CCNA1: variants seen among roughly 807,000 people sequenced by gnomAD.
The protein encoded by CCNA1 is cyclin A1, also known as cyclin-A1.
Under a neutral mutation model 54.1 loss-of-function variants are expected in CCNA1, and 23 were observed. The observed-to-expected ratio is 0.42, with a 90% CI of 0.31 to 0.60. The LOEUF (loss-of-function observed/expected upper bound fraction) is 0.60, where lower values mean the gene tolerates loss of function less well. Ranked by LOEUF, CCNA1 falls within the 20% of genes least tolerant of loss-of-function variation. CCNA1 has a pLI of 0.14. For synonymous variants in CCNA1, 208 were observed against 213.9 expected (o/e 0.97, Z 0.24); for missense variants, 450 against 556.7 (o/e 0.81, Z 1.93).
In CCNA1 at chr13:36,442,594, T is replaced by C. The variant is rs930654669; in HGVS notation, c.1347-20T>C. 1 of 1,613,502 alleles carries C rather than the reference T, an allele frequency of 6.2e-7. No individual in the cohort carries two copies. The highest frequency in any genetic ancestry group is 8.5e-7 in the Non-Finnish European group (1 of 1,179,706). On this transcript the variant is annotated intron_variant, in intron 8 of 8. Transcript: ENST00000255465. ...CAAAGTCCTTGGCTTGTGCTGACCT[T>C]GCTTTGGGTCTTGTTTCAGGTACCT...
At chr13:36,441,775 T>C (rs956280314) in intron 7 of CCNA1, among the ~76,000 whole-genome samples, 7 of 152,196 alleles carry the variant, frequency 4.6e-5, no homozygotes, top group African/African-American at 4.8e-5. Context: ...TTCTGCTGCA[T>C]TTTCTTTTTT....
chr13:36,433,423 T>TTCGTTCGTTCG lies in CCNA1; in HGVS notation c.297+203_297+204insCGTTCGTTCGT, dbSNP rs2055752140. Among the ~76,000 whole-genome samples the TTCGTTCGTTCG allele has an allele frequency of 6.6e-5, 8 of 121,332 alleles. 1 individual carries two copies. Among genetic ancestry groups the TTCGTTCGTTCG allele is most frequent in the African/African-American group, 2.2e-4 (7 of 32,300 alleles). 79.6% of individuals were successfully genotyped at this position (121,332 alleles called of 152,430 possible). A position where few individuals can be genotyped will look rare whatever the true frequency, so the allele number is the denominator to read the frequency against. ...CTTTCTTTCTTTCTTTCTTTCTTTC[T>TTCGTTCGTTCG]TTCTTTCTTTCTTTCTTTCGTTCTT... On this transcript the variant is annotated intron_variant, in intron 2 of 8. Coordinates refer to ENST00000255465, the MANE Select transcript of CCNA1 (RefSeq NM_003914.4).
Position 36,438,800 on chromosome 13 carries a change from C to T in CCNA1, c.826C>T (p.Leu276Phe). 2.5e-6 allele frequency: 4 copies of T among 1,614,108 alleles called. No individual in the cohort carries two copies. Among genetic ancestry groups the T allele is most frequent in the Non-Finnish European group, 3.4e-6 (4 of 1,180,016 alleles). Residue 276 changes from leucine (L) to phenylalanine (F), a missense_variant, in exon 5 of 9, where the codon CTT (leucine) becomes TTT (phenylalanine). This residue lies in a region of CCNA1 where 150 missense variants were observed against 219.7 expected (regional missense o/e 0.68). Coordinates refer to ENST00000255465, the MANE Select transcript of CCNA1 (RefSeq NM_003914.4). ...GGCTGTCAACTTCCTGGACAGGTTC[C>T]TTTCATGTATGTCTGTTCTGAGAGG...
At chr13:36,441,651 G>C (rs2055876179) in intron 7 of CCNA1, among the ~76,000 whole-genome samples, 1 of 152,188 alleles carries the variant, frequency 6.6e-6, no homozygotes, top group Non-Finnish European at 1.5e-5. Context: ...GTTGCCTCTT[G>C]CCCAAGAAGG....
At chr13:36,433,415 T>TTTCGTTCGTTCGTTCG (rs1491484506) in intron 2 of CCNA1, among the ~76,000 whole-genome samples, 194 bp downstream of exon 2, 5 of 121,640 alleles carry the variant, frequency 4.1e-5, no homozygotes, top group African/African-American at 1.6e-4. Context: ...TCTTTCTTTC[T>TTTCGTTCGTTCGTTCG]TTCTTTCTTT....
rs2055827544 is a variant in CCNA1, at chr13:36,437,953, T to C, written c.544+78T>C. ...CCTGCAGCATTCAATAGCTAGTAAC[T>C]AGCAAGAGAAAAACAGCAAGTAATA... On this transcript the variant is annotated intron_variant, in intron 3 of 8. Coordinates refer to ENST00000255465, the MANE Select transcript of CCNA1 (RefSeq NM_003914.4). 1.9e-6 allele frequency: 3 copies of C among 1,571,136 alleles called. No homozygotes were observed. In the Admixed American group the frequency reaches 5.3e-5, roughly 28 times the overall value.
chr13:36,442,197 G>T lies in CCNA1; in HGVS notation c.1239G>T (p.Gly413=). 6.2e-6 allele frequency: 10 copies of T among 1,613,656 alleles called. No individual in the cohort carries two copies. Among genetic ancestry groups the T allele is most frequent in the Non-Finnish European group, 8.5e-6 (10 of 1,179,744 alleles). The change falls in exon 8 of 9, where the codon GGG becomes GGT. Residue 413 remains glycine, a synonymous_variant. Transcript: ENST00000255465. Reference sequence around the variant, plus strand: ...CAGAAACCCTTGCTGCATTTACAGGGTATTCATTAAGTGAAATTGTGCCTT... The same window carrying T: ...CAGAAACCCTTGCTGCATTTACAGGTTATTCATTAAGTGAAATTGTGCCTT...
intron 5 of CCNA1, 137 bp downstream of exon 5, chr13:36,439,004 C>G: frequency 1.5e-6 from 1 of 670,168 alleles, no homozygotes; most frequent in South Asian, 1.9e-5. Flanking sequence ...AAAGATCATC[C>G]TCTTCACAGG....
chr13:36,434,935 C>T (rs2055783785), intron 2 of CCNA1, among the ~76,000 whole-genome samples: 1 of 151,264 alleles, frequency 6.6e-6, no homozygotes, highest in Non-Finnish European at 1.5e-5. Context: ...TTCTACTGGG[C>T]CAAATCTGTA....
chr13:36,442,198 T>A lies in CCNA1; in HGVS notation c.1240T>A (p.Tyr414Asn), dbSNP rs1455540744. The A allele has an allele frequency of 6.2e-7, 1 of 1,614,006 alleles. No homozygotes were observed. Among genetic ancestry groups the A allele is most frequent in the South Asian group, 1.1e-5 (1 of 91,062 alleles). ...AGAAACCCTTGCTGCATTTACAGGGTATTCATTAAGTGAAATTGTGCCTTG... is the reference window on the plus strand; with the variant it reads ...AGAAACCCTTGCTGCATTTACAGGGAATTCATTAAGTGAAATTGTGCCTTG... Residue 414 changes from tyrosine (Y) to asparagine (N), a missense_variant, in exon 8 of 9, where the codon TAT becomes AAT. Tyr to Asn is a moderately radical substitution (Grantham distance 143). Coordinates refer to ENST00000255465, the MANE Select transcript of CCNA1 (RefSeq NM_003914.4).
Position 36,442,697 on chromosome 13 carries a change from C to T in CCNA1, c.*32C>T, listed in dbSNP as rs1429740473. ...GAATGGAAGCACTTCCAGAACTTCACCTCCATATCAGAAGTGCCAATAATC... is the reference window on the plus strand; with the variant it reads ...GAATGGAAGCACTTCCAGAACTTCATCTCCATATCAGAAGTGCCAATAATC... On this transcript the variant is annotated 3_prime_UTR_variant, in exon 9 of 9. Coordinates refer to ENST00000255465, the MANE Select transcript of CCNA1 (RefSeq NM_003914.4). 1 of 1,586,794 alleles carries T rather than the reference C, an allele frequency of 6.3e-7. No individual in the cohort carries two copies. The highest frequency in any genetic ancestry group is 1.3e-5 in the African/African-American group (1 of 74,500).
chr13:36,437,256 A>G (rs2055815866), intron 2 of CCNA1, among the ~76,000 whole-genome samples: 1 of 152,200 alleles, frequency 6.6e-6, no homozygotes, highest in Non-Finnish European at 1.5e-5. Flanking sequence ...TATGCTGACT[A>G]CTTATAAAAT....
intron 1 of CCNA1, 34 bp downstream of exon 1, chr13:36,432,763 T>C (rs770772755): frequency 8.1e-6 from 11 of 1,358,336 alleles, no homozygotes; most frequent in Non-Finnish European, 1.2e-5. Context: ...CTTGGAGGCT[T>C]GTCAGAATGT....
At chr13:36,433,395 T>C (rs796864135) in intron 2 of CCNA1, among the ~76,000 whole-genome samples, 174 bp downstream of exon 2, 1 of 96,536 alleles carries the variant, frequency 1.0e-5, no homozygotes, top group Non-Finnish European at 2.1e-5. Flanking sequence ...TCTTTCTTTC[T>C]TTCTTTCTTT....
rs1482700784 is a variant in CCNA1, at chr13:36,433,427, T to TTTCGTTCG, written c.297+209_297+210insGTTCGTTC. ...CTTTCTTTCTTTCTTTCTTTCTTTC[T>TTTCGTTCG]TTCTTTCTTTCTTTCGTTCTTTCTT... On this transcript the variant is annotated intron_variant, in intron 2 of 8. Coordinates refer to ENST00000255465, the MANE Select transcript of CCNA1 (RefSeq NM_003914.4). Among the ~76,000 whole-genome samples, 93 of 112,550 alleles carry TTTCGTTCG rather than the reference T, an allele frequency of 8.3e-4. 6 individuals are homozygous for TTTCGTTCG. The highest frequency in any genetic ancestry group is 2.5e-3 in the African/African-American group (71 of 27,848). The allele number at this position is 112,550 out of a possible 152,430, so 73.8% of individuals were successfully genotyped here. A position where few individuals can be genotyped will look rare whatever the true frequency, so the allele number is the denominator to read the frequency against.
chr13:36,436,168 G>T (rs1482066886), intron 2 of CCNA1, among the ~76,000 whole-genome samples: 2 of 152,150 alleles, frequency 1.3e-5, no homozygotes, highest in Non-Finnish European at 2.9e-5. Context: ...AAAAGATTAT[G>T]CCACTCCTTT....
intron 4 of CCNA1, 73 bp downstream of exon 4, chr13:36,438,264 G>C: frequency 7.3e-7 from 1 of 1,373,756 alleles, no homozygotes; most frequent in Admixed American, 2.1e-5. Flanking sequence ...ATAAACTCTT[G>C]GTCCATAACC....
Position 36,437,839 on chromosome 13 carries a change from A to G in CCNA1, c.508A>G (p.Lys170Glu), listed in dbSNP as rs368185225. Residue 170 changes from lysine to glutamate, a missense_variant, in exon 3 of 9, where the codon AAG becomes GAG. Transcript: ENST00000255465. ...GTATGAAGTAGACACCGGCACACTC[A>G]AGTCAGACCTGCACTTCCTGCTGGA... 47 of 1,613,976 alleles carry G rather than the reference A, an allele frequency of 2.9e-5. No individual in the cohort carries two copies. Among genetic ancestry groups the G allele is most frequent in the Non-Finnish European group, 3.8e-5 (45 of 1,180,004 alleles).
At chr13:36,441,255 A>T in intron 7 of CCNA1, 24 bp downstream of exon 7, 2 of 1,422,256 alleles carry the variant, frequency 1.4e-6, no homozygotes, top group East Asian at 2.3e-5. Flanking sequence ...TTCTTTCTAG[A>T]TGAAATTCAA....
Sources: gnomAD v4.1 joint callset for allele counts (sites outside exome capture counted in the v4.1 genomes callset) on GRCh38, gnomAD v4.1.1 for gene constraint, gnomAD v4.1.1 regional missense constraint, MANE v1.5 for transcripts, NCBI Gene and HGNC (gene_info 2026-07-23, HGNC 2026-07-21) for gene names.